The following CTNNA3 variants were observed in gnomAD, a reference collection of about 807,000 sequenced individuals.
The protein encoded by CTNNA3 is catenin alpha-3.
CTNNA3 carries 76 observed loss-of-function variants against 95.7 expected under a neutral mutation model. That is an observed-to-expected ratio of 0.79 (90% CI 0.66 to 0.96). The LOEUF (loss-of-function observed/expected upper bound fraction) is 0.96. Among genes scored for constraint, CTNNA3 ranks in the 40% least tolerant of loss-of-function variants. The probability of loss-of-function intolerance (pLI) is 0.00; values close to 1 mark genes in which losing one functional copy is unlikely to be tolerated. For missense variants in CTNNA3, 1,191 were observed against 1,089.8 expected (o/e 1.09, Z -1.31); for synonymous variants, 431 against 374.4 (o/e 1.15, Z -1.74).
intron 4 of CTNNA3, among the ~76,000 whole-genome samples, chr10:67,529,590 T>C (rs1840258758): frequency 6.6e-6 from 1 of 151,424 alleles, no homozygotes; most frequent in South Asian, 2.1e-4. Flanking sequence ...CATGTATACA[T>C]ATGTAACTAA....
chr10:66,170,272 G>A (rs918659392), intron 13 of CTNNA3, among the ~76,000 whole-genome samples: 4 of 121,656 alleles, frequency 3.3e-5, no homozygotes, highest in Non-Finnish European at 5.0e-5. Flanking sequence ...TTTTTAGATG[G>A]TAGAATAGCT....
intron 13 of CTNNA3, among the ~76,000 whole-genome samples, chr10:66,176,298 T>C (rs1165538776): frequency 6.6e-6 from 1 of 152,176 alleles, no homozygotes; most frequent in Non-Finnish European, 1.5e-5. Context: ...GGATAATGCT[T>C]CTGAAAACCA....
At chr10:66,695,639 T>C (rs1373309018) in intron 9 of CTNNA3, among the ~76,000 whole-genome samples, 1 of 152,088 alleles carries the variant, frequency 6.6e-6, no homozygotes, top group Non-Finnish European at 1.5e-5. Flanking sequence ...TTCCCAGAAG[T>C]TGTTGCAAGG....
chr10:67,562,169 G>A (rs772429558), intron 3 of CTNNA3, among the ~76,000 whole-genome samples: 3 of 152,022 alleles, frequency 2.0e-5, no homozygotes, highest in Admixed American at 6.6e-5. Flanking sequence ...TACCAGAGCC[G>A]GGCAGAGACA....
At chr10:67,256,953 T>C (rs1392171094) in intron 5 of CTNNA3, among the ~76,000 whole-genome samples, 7 of 152,184 alleles carry the variant, frequency 4.6e-5, no homozygotes, top group Non-Finnish European at 2.9e-5. Flanking sequence ...GCAAACTCTG[T>C]TTATGAATGT....
At chr10:67,679,724 CT>C in intron 1 of CTNNA3, among the ~76,000 whole-genome samples, 1 of 152,196 alleles carries the variant, frequency 6.6e-6, no homozygotes, top group South Asian at 2.1e-4. Flanking sequence ...TTTTTTAAAT[CT>C]TTTGTGAAAT....
chr10:67,379,187 TTCTG>T (rs1029858662), intron 5 of CTNNA3, among the ~76,000 whole-genome samples: 16 of 152,216 alleles, frequency 1.1e-4, no homozygotes, highest in East Asian at 3.8e-4. Context: ...ATGAGCATAA[TTCTG>T]TCTTTTATTT....
intron 5 of CTNNA3, among the ~76,000 whole-genome samples, chr10:67,378,181 T>C (rs185748703): frequency 2.6e-5 from 4 of 152,312 alleles, no homozygotes; most frequent in Admixed American, 2.0e-4. Context: ...GTGATATTTG[T>C]TCCAAACCTC....
intron 9 of CTNNA3, among the ~76,000 whole-genome samples, chr10:66,651,311 C>T (rs1845888571): frequency 6.6e-6 from 1 of 152,266 alleles, no homozygotes; most frequent in African/African-American, 2.4e-5. Flanking sequence ...GAGCTAGAAG[C>T]AGAGTGCTGA....
chr10:66,127,157 A>C (rs758313479), intron 13 of CTNNA3, among the ~76,000 whole-genome samples: 1 of 151,506 alleles, frequency 6.6e-6, no homozygotes, highest in African/African-American at 2.4e-5. Context: ...CTGTAGTCCC[A>C]GCTACTTGAG....
At chr10:67,136,282 G>A (rs1397604277) in intron 7 of CTNNA3, among the ~76,000 whole-genome samples, 1 of 151,638 alleles carries the variant, frequency 6.6e-6, no homozygotes, top group Non-Finnish European at 1.5e-5. Context: ...CTCTCATATG[G>A]TATAAAGATT....
chr10:67,219,895 G>T (rs1864572252), intron 5 of CTNNA3, 25 bp from the exon 6 acceptor site: 2 of 1,577,060 alleles, frequency 1.3e-6, no homozygotes, highest in Non-Finnish European at 1.7e-6. Context: ...AAAAAGAGTG[G>T]TATCTTACAA....
At position 67,560,780 on chromosome 10, in the gene CTNNA3, G is replaced by A. The variant is rs968989381; in HGVS notation, c.293-21111C>T. 1.4e-3 allele frequency among the ~76,000 whole-genome samples: 211 copies of A among 152,086 alleles called. 1 individual carries two copies. Among genetic ancestry groups the A allele is most frequent in the Non-Finnish European group, 2.6e-3 (179 of 67,986 alleles). On this transcript the variant is annotated intron_variant, in intron 3 of 17. Transcript: ENST00000433211. Reference sequence around the variant, plus strand: ...GAGACACACATAGGCTCAAAATAAAGGGATGGAGGAAGATCTACCAAGCAA... The same window carrying A: ...GAGACACACATAGGCTCAAAATAAAAGGATGGAGGAAGATCTACCAAGCAA...
intron 5 of CTNNA3, among the ~76,000 whole-genome samples, chr10:67,401,616 A>G (rs1484700076): frequency 6.6e-6 from 1 of 152,184 alleles, no homozygotes; most frequent in Non-Finnish European, 1.5e-5. Context: ...AGACCTAATA[A>G]AAACAACAAC....
At chr10:67,225,733 G>T (rs961319946) in intron 5 of CTNNA3, among the ~76,000 whole-genome samples, 2 of 152,046 alleles carry the variant, frequency 1.3e-5, no homozygotes, top group African/African-American at 2.4e-5. Flanking sequence ...ACAGCCTTCA[G>T]CCCTAGACCT....
At position 66,420,827 on chromosome 10, in the gene CTNNA3, A is replaced by T. The variant is rs773924398; in HGVS notation, c.1532-41475T>A. Among the ~76,000 whole-genome samples the T allele has an allele frequency of 1.1e-4, 7 of 66,634 alleles. No homozygotes were observed. The Middle Eastern group carries it at 0.021, about 196-fold the overall frequency. 43.7% of individuals were successfully genotyped at this position (66,634 alleles called of 152,430 possible). ...TAAATAAATAAATAAATAAATAAAT[A>T]AATAAATAAATAAAAAACAATATGG... On this transcript the variant is annotated intron_variant, in intron 11 of 17. Coordinates refer to ENST00000433211, the MANE Select transcript of CTNNA3 (RefSeq NM_013266.4).
chr10:67,756,871 T>C (rs11819160), intron 1 of CTNNA3, among the ~76,000 whole-genome samples: 18,961 of 152,224 alleles, frequency 0.12, 1,766 homozygotes, highest in African/African-American at 0.27. Context: ...AAAATTATCA[T>C]GTACACAGTT....
chr10:67,567,522 C>T (rs1841849144), intron 3 of CTNNA3, among the ~76,000 whole-genome samples: 1 of 152,026 alleles, frequency 6.6e-6, no homozygotes, highest in East Asian at 1.9e-4. Context: ...ACCTTGAAAG[C>T]CCTGACTTAA....
chr10:66,613,387 T>C (rs1031936823), intron 10 of CTNNA3, among the ~76,000 whole-genome samples: 1 of 152,048 alleles, frequency 6.6e-6, no homozygotes, highest in Non-Finnish European at 1.5e-5. Flanking sequence ...CACCCTAGCT[T>C]CATGGATGCT....
Sources: allele counts gnomAD v4.1 joint callset (sites outside exome capture counted in the v4.1 genomes callset), GRCh38; gene constraint gnomAD v4.1.1; transcripts MANE v1.5; gene names NCBI Gene and HGNC (gene_info 2026-07-23, HGNC 2026-07-21).